Variants in PLEKHG2 observed in about 807,000 individuals in gnomAD.
The protein encoded by PLEKHG2 is pleckstrin homology domain-containing family G member 2.
Under a neutral mutation model 104.4 loss-of-function variants are expected in PLEKHG2, and 71 were observed. The ratio of observed to expected loss-of-function variants is 0.68; its 90% CI spans 0.56 to 0.83. The LOEUF (loss-of-function observed/expected upper bound fraction) is 0.83. PLEKHG2 is among the 40% of genes least tolerant of loss of function. The pLI is 0.00. For synonymous variants in PLEKHG2, 728 were observed against 737.0 expected (o/e 0.99, Z 0.20); for missense variants, 1,730 against 1,809.4 (o/e 0.96, Z 0.80).
intron 2 of PLEKHG2, among the ~76,000 whole-genome samples, chr19:39,414,779 G>A (rs993444952): frequency 1.3e-5 from 2 of 152,202 alleles, no homozygotes; most frequent in East Asian, 1.9e-4. Flanking sequence ...GATTCATGGA[G>A]GTGGATTAGA....
At chr19:39,417,153 CT>C (rs111240744) in intron 7 of PLEKHG2, among the ~76,000 whole-genome samples, 153 bp downstream of exon 7, 11 of 149,690 alleles carry the variant, frequency 7.3e-5, no homozygotes, top group South Asian at 4.2e-4. Context: ...ACAGCCCTAG[CT>C]TTTTTTTTTC....
At chr19:39,414,346 C>CCAGAGGGGGCAGCGCTGGG (rs1237179964) in intron 2 of PLEKHG2, 151 bp downstream of exon 2, 2 of 751,428 alleles carry the variant, frequency 2.7e-6, no homozygotes, top group African/African-American at 3.5e-5. Context: ...CAATGACAGG[C>CCAGAGGGGGCAGCGCTGGG]CAGAGGGGGC....
chr19:39,424,663 C>T lies in PLEKHG2; in HGVS notation c.3530C>T (p.Ala1177Val). 3 of 1,614,192 alleles carry T rather than the reference C, an allele frequency of 1.9e-6. No individual in the cohort carries two copies. Among genetic ancestry groups the T allele is most frequent in the Non-Finnish European group, 2.5e-6 (3 of 1,180,036 alleles). The change falls in exon 19 of 19, where the codon GCT (alanine) becomes GTT (valine). Residue 1177 changes from alanine (A) to valine (V), a missense_variant. Ala to Val is a moderately conservative substitution (Grantham distance 64). Transcript: ENST00000425673. ...CTCCCAGACATCCAGGGTCCAGCGG[C>T]TGCACCTCCACTTCCGGAGCCAAGC... ...GSLPDIQGPA[A>V]APPLPEPSLT... is the part of the protein sequence containing the mutation.
chr19:39,422,605 T>G (rs1364378630), intron 17 of PLEKHG2, 127 bp from the exon 18 acceptor site: 1 of 1,211,032 alleles, frequency 8.3e-7, no homozygotes, highest in Non-Finnish European at 1.1e-6. Flanking sequence ...GCCAGGCTGG[T>G]CTCGAACTCG....
Position 39,424,044 on chromosome 19 carries a change from A to G in PLEKHG2, c.2911A>G (p.Thr971Ala), listed in dbSNP as rs775476064. 2.5e-6 allele frequency: 4 copies of G among 1,613,660 alleles called. No homozygotes were observed. The South Asian group carries it at 4.4e-5, about 18-fold the overall frequency. The change falls in exon 19 of 19, where the codon ACT becomes GCT. Residue 971 changes from threonine to alanine, a missense_variant. Transcript: ENST00000425673. ...GCACCTCCAGGTGCCGGCTCTTACA[A>G]CTTTCTCTGATCAAGGCCACCCAGA... is the stretch of plus-strand genomic sequence containing the variant. ...PLHLQVPALT[T>A]FSDQGHPEIQ... is the part of the protein sequence containing the mutation.
rs138877883 is a variant in PLEKHG2, at chr19:39,424,821, C to A, written c.3688C>A (p.Pro1230Thr). 3 of 1,614,098 alleles carry A rather than the reference C, an allele frequency of 1.9e-6. No individual in the cohort carries two copies. The African/African-American group carries it at 4.0e-5, about 22-fold the overall frequency. ...AGACATTCAGGGCCTCTCACCCACCCCAGTTCAGACCACCATGGTTTTGTC... is the reference window on the plus strand; with the variant it reads ...AGACATTCAGGGCCTCTCACCCACCACAGTTCAGACCACCATGGTTTTGTC... ...SLDIQGLSPT[P>T]VQTTMVLSKP... Residue 1230 changes from proline to threonine, a missense_variant, in exon 19 of 19, where the codon CCA (proline) becomes ACA (threonine). By Grantham distance (38) the Pro-to-Thr change is conservative (BLOSUM62 -1). Coordinates refer to ENST00000425673, the MANE Select transcript of PLEKHG2 (RefSeq NM_022835.3).
At chr19:39,414,947 G>C in intron 2 of PLEKHG2, 45 bp from the exon 3 acceptor site, 1 of 1,531,040 alleles carries the variant, frequency 6.5e-7, no homozygotes, top group Non-Finnish European at 8.8e-7. Flanking sequence ...GTGGAAGTCC[G>C]TGCATGGGGA....
rs2078549119 is a variant in PLEKHG2 at position 39,413,432 on chromosome 19, G to C, written c.-23+20G>C. ...CGGGAGGTGAGGGGGGAGGCGAGGG[G>C]CCCAGGCGGACTGGGGGAGGGGGCG... On this transcript the variant is annotated intron_variant, in intron 1 of 18. Transcript: ENST00000425673. The surrounding 1 kb of genome is among the most constrained non-coding windows in gnomAD (Gnocchi z 4.5). 6.6e-6 allele frequency: 1 copy of C among 152,104 alleles called. No individual in the cohort carries two copies. Among genetic ancestry groups the C allele is most frequent in the South Asian group, 2.1e-4 (1 of 4,834 alleles). The allele number at this position is 152,104 out of a possible 1,614,324, so 9.4% of individuals were successfully genotyped here.
At chr19:39,419,377 A>C (rs905110207) in intron 11 of PLEKHG2, among the ~76,000 whole-genome samples, 8 of 152,168 alleles carry the variant, frequency 5.3e-5, no homozygotes, top group African/African-American at 1.9e-4. Flanking sequence ...TGGGAGGATC[A>C]TTTAAGCCCG....
In PLEKHG2 at chr19:39,415,528, C is replaced by G; in HGVS notation, c.479+89C>G. The G allele has an allele frequency of 7.1e-7, 1 of 1,406,974 alleles. No homozygotes were observed. Among genetic ancestry groups the G allele is most frequent in the East Asian group, 2.4e-5 (1 of 42,234 alleles). The allele number at this position is 1,406,974 out of a possible 1,614,324, so 87.2% of individuals were successfully genotyped here. ...ACCTCGGAGCTTCGTAGTGTCCTGT[C>G]CAGGCTGGTACGTGGGGTTGTGACA... On this transcript the variant is annotated intron_variant, in intron 4 of 18. Transcript: ENST00000425673. The surrounding 1 kb of genome is among the most constrained non-coding windows in gnomAD (Gnocchi z 4.6).
Position 39,422,745 on chromosome 19 carries a change from A to G in PLEKHG2, c.1691A>G (p.Asp564Gly). 6 of 1,522,080 alleles carry G rather than the reference A, an allele frequency of 3.9e-6. No individual in the cohort carries two copies. Among genetic ancestry groups the G allele is most frequent in the Middle Eastern group, 1.8e-4 (1 of 5,584 alleles). The allele number at this position is 1,522,080 out of a possible 1,614,324, so 94.3% of individuals were successfully genotyped here. Residue 564 changes from aspartate to glycine, a missense_variant, in exon 18 of 19, where the codon GAC becomes GGC. Physicochemically the swap from Asp to Gly is moderately conservative, Grantham distance 94. Transcript: ENST00000425673. Reference protein sequence around the residue: ...GLRDPGPSTHDIPKFPGDSQV... With the variant: ...GLRDPGPSTHGIPKFPGDSQV... ...TGCCCACTATAGCCGTCCACCCATG[A>G]CATTCCCAAGTTCCCCGGAGACTCC... is the stretch of plus-strand genomic sequence containing the variant.
At chr19:39,419,079 T>C in intron 11 of PLEKHG2, 76 bp downstream of exon 11, 2 of 1,309,312 alleles carry the variant, frequency 1.5e-6, no homozygotes, top group Non-Finnish European at 2.1e-6. Flanking sequence ...GAGACGCCCC[T>C]GCCCAATGCC....
chr19:39,415,569 G>T lies in PLEKHG2; in HGVS notation c.479+130G>T. 1 of 1,066,576 alleles carries T rather than the reference G, an allele frequency of 9.4e-7. No homozygotes were observed. The highest frequency in any genetic ancestry group is 1.4e-6 in the Non-Finnish European group (1 of 736,620). The allele number at this position is 1,066,576 out of a possible 1,614,324, so 66.1% of individuals were successfully genotyped here. A position where few individuals can be genotyped will look rare whatever the true frequency, so the allele number is the denominator to read the frequency against. ...GGTTGTGACATTGGGCAAGGATCAG[G>T]GATCACGACTGGGAGGGAGGACCCC... On this transcript the variant is annotated intron_variant, in intron 4 of 18. Transcript: ENST00000425673. The surrounding 1 kb of genome is among the most constrained non-coding windows in gnomAD (Gnocchi z 4.6).
chr19:39,425,376 CTG>C lies in PLEKHG2; in HGVS notation c.*83_*84del. ...AGAACTTGACCTGGAAGTCCAGACA[CTG>C]AACGCAGGCCTCAAAACTGCTGCGG... On this transcript the variant is annotated 3_prime_UTR_variant, in exon 19 of 19. Coordinates refer to ENST00000425673, the MANE Select transcript of PLEKHG2 (RefSeq NM_022835.3). The C allele has an allele frequency of 6.6e-7, 1 of 1,512,078 alleles. No individual in the cohort carries two copies. The highest frequency in any genetic ancestry group is 8.8e-7 in the Non-Finnish European group (1 of 1,133,600). 93.7% of individuals were successfully genotyped at this position (1,512,078 alleles called of 1,614,324 possible). A position where few individuals can be genotyped will look rare whatever the true frequency, so the allele number is the denominator to read the frequency against.
Position 39,421,011 on chromosome 19 carries a change from C to G in PLEKHG2, c.1447+15C>G, listed in dbSNP as rs757119173. 6.8e-6 allele frequency: 11 copies of G among 1,614,082 alleles called. No individual in the cohort carries two copies. The highest frequency in any genetic ancestry group is 3.3e-4 in the Middle Eastern group (2 of 6,044). ...CAGGCAGTCTGGTGAGCACTCACCC[C>G]TAAGGGTGATCCAGGCATCGGGGTG... is the stretch of plus-strand genomic sequence containing the variant. On this transcript the variant is annotated intron_variant, in intron 14 of 18. Transcript: ENST00000425673.
chr19:39,423,485 G>A lies in PLEKHG2; in HGVS notation c.2431G>A (p.Glu811Lys). 1 of 1,596,246 alleles carries A rather than the reference G, an allele frequency of 6.3e-7. No homozygotes were observed. The highest frequency in any genetic ancestry group is 8.6e-7 in the Non-Finnish European group (1 of 1,169,426). The part of the protein sequence containing the change: ...GSGKAGAPSS[E>K]RTASRVRELA... Reference sequence around the variant, plus strand: ...CGGGAAGGCAGGAGCCCCGAGTTCAGAAAGGACGGCGTCCCGAGTGCGAGA... The same window carrying A: ...CGGGAAGGCAGGAGCCCCGAGTTCAAAAAGGACGGCGTCCCGAGTGCGAGA... The change falls in exon 18 of 19, where the codon GAA becomes AAA. Residue 811 changes from glutamate (E) to lysine (K), a missense_variant. Physicochemically the swap from Glu to Lys is moderately conservative, Grantham distance 56. Transcript: ENST00000425673.
At position 39,423,491 on chromosome 19, in the gene PLEKHG2, A is replaced by G; in HGVS notation, c.2437A>G (p.Thr813Ala). Reference protein sequence around the residue: ...GKAGAPSSERTASRVRELARL... With the variant: ...GKAGAPSSERAASRVRELARL... ...GGCAGGAGCCCCGAGTTCAGAAAGG[A>G]CGGCGTCCCGAGTGCGAGAGCTGGC... The change falls in exon 18 of 19, where the codon ACG becomes GCG. Residue 813 changes from threonine to alanine, a missense_variant. Thr to Ala is a moderately conservative substitution (Grantham distance 58). Coordinates refer to ENST00000425673, the MANE Select transcript of PLEKHG2 (RefSeq NM_022835.3). 1.1e-5 allele frequency: 17 copies of G among 1,590,060 alleles called. No homozygotes were observed. Among genetic ancestry groups the G allele is most frequent in the Non-Finnish European group, 1.5e-5 (17 of 1,166,180 alleles).
chr19:39,415,129 C>A lies in PLEKHG2; in HGVS notation c.247C>A (p.Pro83Thr). Residue 83 changes from proline (P) to threonine (T), a missense_variant, in exon 3 of 19, where the codon CCT (proline) becomes ACT (threonine). By Grantham distance (38) the Pro-to-Thr change is conservative. Coordinates refer to ENST00000425673, the MANE Select transcript of PLEKHG2 (RefSeq NM_022835.3). The surrounding 1 kb of genome is among the most constrained non-coding windows in gnomAD (Gnocchi z 4.6). Reference protein sequence around the residue: ...SASRPEPLPGPPIRLHLSPVG... With the variant: ...SASRPEPLPGTPIRLHLSPVG... ...CTCCAGGCCAGAGCCCCTTCCAGGG[C>A]CTCCCATCCGCCTACATCTCTCTCC... 1 of 1,599,432 alleles carries A rather than the reference C, an allele frequency of 6.3e-7. No homozygotes were observed. The highest frequency in any genetic ancestry group is 2.3e-5 in the East Asian group (1 of 43,938).
In PLEKHG2 at chr19:39,417,522, C is replaced by G. The variant is rs778253026; in HGVS notation, c.745-33C>G. ...CTCTTTCTCCTTCTCTGTTTCTCTC[C>G]CCATCCCTGCGTGCCTGGTGGCTGC... On this transcript the variant is annotated intron_variant, in intron 7 of 18. Transcript: ENST00000425673. 3.1e-6 allele frequency: 5 copies of G among 1,609,404 alleles called. No homozygotes were observed. The Admixed American group carries it at 6.7e-5, about 22-fold the overall frequency.
Sources: allele counts gnomAD v4.1 joint callset (sites outside exome capture counted in the v4.1 genomes callset), GRCh38; gene constraint gnomAD v4.1.1; non-coding constraint Gnocchi (gnomAD v3.1); transcripts MANE v1.5; gene names NCBI Gene and HGNC (gene_info 2026-07-23, HGNC 2026-07-21).